The following FBLN5 variants were observed in gnomAD, a reference collection of about 807,000 sequenced individuals.
The protein encoded by FBLN5 is fibulin 5.
Under a neutral mutation model 61.6 loss-of-function variants are expected in FBLN5, and 24 were observed. That is an observed-to-expected ratio of 0.39 (90% CI 0.28 to 0.55). FBLN5 has a LOEUF of 0.55. Ranked by LOEUF, FBLN5 falls within the 20% of genes least tolerant of loss-of-function variation. FBLN5 has a pLI of 0.65. For missense variants in FBLN5, 470 were observed against 594.1 expected, an observed-to-expected ratio of 0.79 and a Z score of 2.17; for synonymous variants, 213 against 219.8, an observed-to-expected ratio of 0.97 and a Z score of 0.27.
In FBLN5 at chr14:91,942,035, AC is replaced by A. The variant is rs1224290703; in HGVS notation, c.72+871del. Reference sequence around the variant, plus strand: ...ATATGAAGAGAGAAAATGCTCCCCTACCTGCCTGCAGCCCTCAGCCTGCTCA... The same window carrying A: ...ATATGAAGAGAGAAAATGCTCCCCTACTGCCTGCAGCCCTCAGCCTGCTCA... On this transcript the variant is annotated intron_variant, in intron 2 of 10. Coordinates refer to ENST00000342058, the MANE Select transcript of FBLN5 (RefSeq NM_006329.4). 45 of 402,086 alleles carry A rather than the reference AC, an allele frequency of 1.1e-4. No individual in the cohort carries two copies. In the Admixed American group the frequency reaches 1.4e-3, roughly 12 times the overall value. The allele number at this position is 402,086 out of a possible 1,614,324, so 24.9% of individuals were successfully genotyped here. A position where few individuals can be genotyped will look rare whatever the true frequency, so the allele number is the denominator to read the frequency against.
chr14:91,881,195 C>T (rs1267117130), intron 9 of FBLN5, 97 bp downstream of exon 9: 2 of 1,431,072 alleles, frequency 1.4e-6, no homozygotes, highest in Admixed American at 1.7e-5. Context: ...GGTCCCCTCA[C>T]TTCCTGGCTG....
At chr14:91,888,325 C>A (rs1889824421) in intron 6 of FBLN5, among the ~76,000 whole-genome samples, 1 of 150,832 alleles carries the variant, frequency 6.6e-6, no homozygotes, top group African/African-American at 2.4e-5. Flanking sequence ...AAATTATAGG[C>A]TGGGTGCAGT....
intron 10 of FBLN5, among the ~76,000 whole-genome samples, chr14:91,872,945 G>A (rs1889008687): frequency 6.6e-6 from 1 of 152,244 alleles, no homozygotes; most frequent in Non-Finnish European, 1.5e-5. Context: ...GTCTGGAAGG[G>A]AGAAGGGGGC....
chr14:91,918,153 G>C (rs1254439652), intron 4 of FBLN5, among the ~76,000 whole-genome samples: 1 of 152,178 alleles, frequency 6.6e-6, no homozygotes, highest in Non-Finnish European at 1.5e-5. Context: ...CTCATAACAA[G>C]ATGGGTGACC....
At chr14:91,927,925 T>C (rs2055856808) in intron 4 of FBLN5, among the ~76,000 whole-genome samples, 1 of 152,224 alleles carries the variant, frequency 6.6e-6, no homozygotes, top group Admixed American at 6.5e-5. Context: ...GAAAAACTTG[T>C]AGGTCATTGA....
At chr14:91,932,888 A>C (rs1222174074) in intron 4 of FBLN5, among the ~76,000 whole-genome samples, 1 of 152,244 alleles carries the variant, frequency 6.6e-6, no homozygotes, top group Non-Finnish European at 1.5e-5. Context: ...CAGAATTTGC[A>C]TGGATCTGAT....
At chr14:91,872,548 A>G (rs1404488680) in intron 10 of FBLN5, among the ~76,000 whole-genome samples, 1 of 152,142 alleles carries the variant, frequency 6.6e-6, no homozygotes, top group African/African-American at 2.4e-5. Flanking sequence ...GCGCCCCATA[A>G]AGTTCTGAAC....
chr14:91,946,635 G>A, intron 1 of FBLN5: 1 of 1,199,602 alleles, frequency 8.3e-7, no homozygotes, highest in Non-Finnish European at 1.2e-6. Context: ...TGTCATTTAG[G>A]TAAAGTTCTC....
intron 4 of FBLN5, among the ~76,000 whole-genome samples, chr14:91,907,492 C>G (rs1198983015): frequency 2.0e-5 from 3 of 152,136 alleles, no homozygotes; most frequent in Admixed American, 6.5e-5. Flanking sequence ...AGGTAGGGAA[C>G]AGCACGTGCA....
intron 7 of FBLN5, 104 bp from the exon 8 acceptor site, chr14:91,883,180 T>C (rs1417329006): frequency 1.5e-6 from 2 of 1,317,234 alleles, no homozygotes; most frequent in African/African-American, 1.4e-5. Flanking sequence ...ATACATACAA[T>C]GGCTTTACTG....
At chr14:91,910,779 TGGGGAGAAAGGGATGGC>T (rs1388864679) in intron 4 of FBLN5, among the ~76,000 whole-genome samples, 3 of 151,760 alleles carry the variant, frequency 2.0e-5, no homozygotes, top group Non-Finnish European at 4.4e-5. Flanking sequence ...GGTAGAGTGC[TGGGGAGAAAGGGATGGC>T]GGGGAGAAAG....
chr14:91,883,018 G>T lies in FBLN5; in HGVS notation c.798C>A (p.Pro266=). ...GAGGGCAGGAGCAGAAGTATGTGCC[G>T]GGCTGGTTCACACACTCATGTTGGC... ...FLCQHECVNQ[P]GTYFCSCPPG... is the part of the protein sequence containing the mutation. Residue 266 remains proline (P), a synonymous_variant, in exon 8 of 11, where the codon CCC becomes CCA. Transcript: ENST00000342058. 1 of 1,614,032 alleles carries T rather than the reference G, an allele frequency of 6.2e-7. No individual in the cohort carries two copies. Among genetic ancestry groups the T allele is most frequent in the Non-Finnish European group, 8.5e-7 (1 of 1,179,906 alleles).
intron 4 of FBLN5, among the ~76,000 whole-genome samples, chr14:91,917,037 G>A (rs1891223224): frequency 6.6e-6 from 1 of 152,176 alleles, no homozygotes; most frequent in African/African-American, 2.4e-5. Flanking sequence ...GGCTACTAGA[G>A]CCCAACTATG....
intron 4 of FBLN5, among the ~76,000 whole-genome samples, chr14:91,935,848 A>G (rs1436776215): frequency 6.6e-6 from 1 of 152,238 alleles, no homozygotes; most frequent in Non-Finnish European, 1.5e-5. Context: ...TAAGGTAAAC[A>G]TTAACCAGCT....
At chr14:91,894,453 C>T (rs1158569601) in intron 5 of FBLN5, among the ~76,000 whole-genome samples, 1 of 134,474 alleles carries the variant, frequency 7.4e-6, no homozygotes, top group Non-Finnish European at 1.6e-5. Context: ...CAAGGCCGTG[C>T]GTGGTGGCTC....
Position 91,871,838 on chromosome 14 carries a change from C to T in FBLN5, c.1186-1453G>A, listed in dbSNP as rs138337594. Among the ~76,000 whole-genome samples the T allele has an allele frequency of 1.8e-3, 271 of 149,480 alleles. 3 individuals carry two copies. Among genetic ancestry groups the T allele is most frequent in the African/African-American group, 6.2e-3 (253 of 40,620 alleles). On this transcript the variant is annotated intron_variant, in intron 10 of 10. Transcript: ENST00000342058. ...CACCACTATACTCCACCCTGGACAACGGCGAGACTCCAGCTAAAAAAAAAA... is the reference window on the plus strand; with the variant it reads ...CACCACTATACTCCACCCTGGACAATGGCGAGACTCCAGCTAAAAAAAAAA...
intron 4 of FBLN5, among the ~76,000 whole-genome samples, chr14:91,905,267 T>G (rs1169596549): frequency 6.6e-6 from 1 of 152,102 alleles, no homozygotes; most frequent in African/African-American, 2.4e-5. Context: ...CATGGCAGCC[T>G]CCTTATGTCT....
At position 91,911,213 on chromosome 14, in the gene FBLN5, G is replaced by C. The variant is rs187062647; in HGVS notation, c.380-16141C>G. ...TTGGCCAGGCTGGTCACAAACTCCA[G>C]ACCTCCAGTGATCCGCCCACCTCAG... On this transcript the variant is annotated intron_variant, in intron 4 of 10. Transcript: ENST00000342058. Among the ~76,000 whole-genome samples, 357 of 152,252 alleles carry C rather than the reference G, an allele frequency of 2.3e-3. 1 individual carries two copies. Among genetic ancestry groups the C allele is most frequent in the Non-Finnish European group, 3.9e-3 (262 of 68,018 alleles).
In FBLN5 at chr14:91,880,528, T is replaced by A. The variant is rs1279357024; in HGVS notation, c.989+764A>T. Among the ~76,000 whole-genome samples, 3 of 19,884 alleles carry A rather than the reference T, an allele frequency of 1.5e-4. No individual in the cohort carries two copies. The South Asian group carries it at 6.2e-3, about 41-fold the overall frequency. The allele number at this position is 19,884 out of a possible 152,430, so 13.0% of individuals were successfully genotyped here. A position where few individuals can be genotyped will look rare whatever the true frequency, so the allele number is the denominator to read the frequency against. ...AGAACTCTGTGGGAGTGTGCGTGCG[T>A]GTGTGTGTGTGTGTGTGTGTGTGTG... On this transcript the variant is annotated intron_variant, in intron 9 of 10. Coordinates refer to ENST00000342058, the MANE Select transcript of FBLN5 (RefSeq NM_006329.4).
Sources: gnomAD v4.1 joint callset for allele counts (sites outside exome capture counted in the v4.1 genomes callset) on GRCh38, gnomAD v4.1.1 for gene constraint, MANE v1.5 for transcripts, NCBI Gene and HGNC (gene_info 2026-07-23, HGNC 2026-07-21) for gene names.